KCNJ6: variants seen among roughly 807,000 people sequenced by gnomAD.
KCNJ6 encodes potassium inwardly rectifying channel subfamily J member 6, also known as G protein-activated inward rectifier potassium channel 2.
A neutral mutation model predicts 34.2 loss-of-function variants in KCNJ6; 9 were observed. The observed-to-expected ratio is 0.26, with a 90% CI of 0.16 to 0.46. The LOEUF (loss-of-function observed/expected upper bound fraction) is 0.46, where lower values mean the gene tolerates loss of function less well. KCNJ6 is among the 20% of genes least tolerant of loss of function. The pLI, the probability that KCNJ6 is intolerant of heterozygous loss-of-function variation, is 1.00. For missense variants in KCNJ6, 236 were observed against 531.3 expected (o/e 0.44, Z 5.46); for synonymous variants, 196 against 207.1 (o/e 0.95, Z 0.46).
At chr21:37,755,906 G>C (rs1390877539) in intron 2 of KCNJ6, among the ~76,000 whole-genome samples, 2 of 152,276 alleles carry the variant, frequency 1.3e-5, no homozygotes, top group East Asian at 3.8e-4. Flanking sequence ...GCCCCATGCT[G>C]TGTGAGTGCT....
At chr21:37,843,233 G>T (rs1354819201) in intron 1 of KCNJ6, among the ~76,000 whole-genome samples, 1 of 152,094 alleles carries the variant, frequency 6.6e-6, no homozygotes, top group African/African-American at 2.4e-5. Flanking sequence ...GGTCCTTGCA[G>T]CTATTTTTGT....
At chr21:37,775,511 T>C (rs2055137930) in intron 2 of KCNJ6, among the ~76,000 whole-genome samples, 1 of 152,268 alleles carries the variant, frequency 6.6e-6, no homozygotes, top group South Asian at 2.1e-4. Context: ...TTAATCCATC[T>C]TGAATTAATT....
intron 3 of KCNJ6, among the ~76,000 whole-genome samples, chr21:37,655,111 T>C (rs544424012): frequency 1.3e-5 from 2 of 152,044 alleles, no homozygotes; most frequent in Admixed American, 1.3e-4. Context: ...TTTGAGTTCC[T>C]GGGTCAAGCT....
intron 3 of KCNJ6, among the ~76,000 whole-genome samples, chr21:37,643,065 G>A (rs542879800): frequency 2.0e-5 from 3 of 152,024 alleles, no homozygotes; most frequent in Non-Finnish European, 4.4e-5. Context: ...TATGGGTGGT[G>A]GGGGGGACAG....
At chr21:37,848,512 C>T (rs1229429292) in intron 1 of KCNJ6, among the ~76,000 whole-genome samples, 1 of 152,168 alleles carries the variant, frequency 6.6e-6, no homozygotes, top group Non-Finnish European at 1.5e-5. Flanking sequence ...ACCAGATAGC[C>T]TTTCTAAGGT....
chr21:37,905,445 A>G (rs1257076792), intron 1 of KCNJ6, among the ~76,000 whole-genome samples: 1 of 152,126 alleles, frequency 6.6e-6, no homozygotes, highest in Non-Finnish European at 1.5e-5. Flanking sequence ...CTCATTGCCA[A>G]TACACCCTAT....
At chr21:37,749,497 G>A (rs1452520756) in intron 2 of KCNJ6, among the ~76,000 whole-genome samples, 1 of 152,158 alleles carries the variant, frequency 6.6e-6, no homozygotes, top group Non-Finnish European at 1.5e-5. Flanking sequence ...GATGCAACTT[G>A]TATTGCACCC....
At chr21:37,630,134 CTGTGTG>C (rs10527592) in intron 3 of KCNJ6, among the ~76,000 whole-genome samples, 4 of 144,154 alleles carry the variant, frequency 2.8e-5, no homozygotes, top group African/African-American at 7.7e-5. Context: ...GATGACATCT[CTGTGTG>C]TGTGTGTGTG....
In KCNJ6 at chr21:37,715,000, T is replaced by C. The variant is rs200348437; in HGVS notation, c.157A>G (p.Ile53Val). 438 of 1,614,112 alleles carry C rather than the reference T, an allele frequency of 2.7e-4. No homozygotes were observed. Among genetic ancestry groups the C allele is most frequent in the Non-Finnish European group, 3.5e-4 (408 of 1,180,054 alleles). ...CCGTCTTTCCTCACGTACCTCTGGA[T>C]TTTCCTTTTGGTCCGATCTCGGCTG... ...HISRDRTKRK[I>V]QRYVRKDGKC... Residue 53 changes from isoleucine (I) to valine (V), a missense_variant, in exon 3 of 4, where the codon ATC becomes GTC. Around this residue, in one of 5 missense-constraint regions of KCNJ6, gnomAD observed 64 missense variants for 68.9 expected, o/e 0.93. Coordinates refer to ENST00000609713, the MANE Select transcript of KCNJ6 (RefSeq NM_002240.5). The surrounding 1 kb of genome is among the most constrained non-coding windows in gnomAD (Gnocchi z 5.9).
chr21:37,665,264 A>G (rs2123402120), intron 3 of KCNJ6, among the ~76,000 whole-genome samples: 1 of 152,290 alleles, frequency 6.6e-6, no homozygotes, highest in Non-Finnish European at 1.5e-5. Context: ...AACAGTAACT[A>G]TTATTATCAT....
chr21:37,810,680 G>A (rs1452098546), intron 2 of KCNJ6, among the ~76,000 whole-genome samples: 6 of 152,128 alleles, frequency 3.9e-5, no homozygotes. Context: ...TTGATCATTT[G>A]TGCTTCCTCT....
At chr21:37,739,082 G>A (rs2054926808) in intron 2 of KCNJ6, among the ~76,000 whole-genome samples, 1 of 152,182 alleles carries the variant, frequency 6.6e-6, no homozygotes, top group Admixed American at 6.5e-5. Context: ...ATAGAGATGT[G>A]CAGTAAGTGT....
rs981686768 is a variant in KCNJ6, at chr21:37,669,581, G to C, written c.947-44097C>G. Among the ~76,000 whole-genome samples the C allele has an allele frequency of 6.3e-4, 95 of 150,304 alleles. 1 individual carries two copies. The highest frequency in any genetic ancestry group is 2.0e-3 in the African/African-American group (84 of 40,988). ...GGAGCATGAAGTCTGTGTGTGTTGT[G>C]TGTGTGTGTGTGTGTGTGTGTGAAT... On this transcript the variant is annotated intron_variant, in intron 3 of 3. Coordinates refer to ENST00000609713, the MANE Select transcript of KCNJ6 (RefSeq NM_002240.5).
rs531538802 is a variant in KCNJ6, at chr21:37,809,291, C to T, written c.25+31367G>A. On this transcript the variant is annotated intron_variant, in intron 2 of 3. Coordinates refer to ENST00000609713, the MANE Select transcript of KCNJ6 (RefSeq NM_002240.5). ...ATCGCAAGGACAAAAAACCAAACAC[C>T]GCATGTTCTCACTCATAGGTGGGAA... Among the ~76,000 whole-genome samples the T allele has an allele frequency of 7.8e-3, 1,178 of 151,866 alleles. 16 individuals carry two copies. Among genetic ancestry groups the T allele is most frequent in the African/African-American group, 0.027 (1,108 of 41,332 alleles).
intron 3 of KCNJ6, among the ~76,000 whole-genome samples, chr21:37,649,151 A>AAAAG (rs1489605874): frequency 3.4e-5 from 5 of 148,586 alleles, no homozygotes; most frequent in African/African-American, 1.3e-4. Context: ...AAAAAAAAAA[A>AAAAG]AAAGAAAGAA....
chr21:37,774,327 T>C (rs1479458418), intron 2 of KCNJ6, among the ~76,000 whole-genome samples: 4 of 152,186 alleles, frequency 2.6e-5, no homozygotes, highest in African/African-American at 2.4e-5. Flanking sequence ...CTTGTCCCTA[T>C]GCAGGGTTTA....
At chr21:37,661,580 A>G (rs184930252) in intron 3 of KCNJ6, among the ~76,000 whole-genome samples, 101 of 148,686 alleles carry the variant, frequency 6.8e-4, no homozygotes, top group Non-Finnish European at 1.4e-3. Flanking sequence ...ATGTAAAAAA[A>G]TTAGAAGCTC....
At chr21:37,780,883 A>G (rs1031120984) in intron 2 of KCNJ6, among the ~76,000 whole-genome samples, 4 of 152,230 alleles carry the variant, frequency 2.6e-5, no homozygotes, top group Non-Finnish European at 5.9e-5. Context: ...ATTAAAAATT[A>G]AAATAAAAAT....
chr21:37,811,738 G>T (rs1204799717), intron 2 of KCNJ6, among the ~76,000 whole-genome samples: 2 of 152,050 alleles, frequency 1.3e-5, no homozygotes, highest in Non-Finnish European at 2.9e-5. Context: ...CCAAGCTCTA[G>T]AATTTAAATG....
Sources: allele counts gnomAD v4.1 joint callset (sites outside exome capture counted in the v4.1 genomes callset), GRCh38; gene constraint gnomAD v4.1.1; regional missense constraint gnomAD v4.1.1; non-coding constraint Gnocchi (gnomAD v3.1); transcripts MANE v1.5; gene names NCBI Gene and HGNC (gene_info 2026-07-23, HGNC 2026-07-21).